The following LANCL2 variants were observed in gnomAD, a reference collection of about 807,000 sequenced individuals.
LANCL2 encodes the protein lanC-like protein 2.
LANCL2 carries 33 observed loss-of-function variants against 56.9 expected under a neutral mutation model. The observed-to-expected ratio is 0.58, with a 90% CI of 0.44 to 0.78. LANCL2 has a LOEUF of 0.78. Among genes scored for constraint, LANCL2 ranks in the 30% least tolerant of loss-of-function variants. The pLI, the probability that LANCL2 is intolerant of heterozygous loss-of-function variation, is 0.00. For synonymous variants in LANCL2, 233 were observed against 228.2 expected, an observed-to-expected ratio of 1.02 and a Z score of -0.19; for missense variants, 562 against 580.2, an observed-to-expected ratio of 0.97 and a Z score of 0.32.
chr7:55,390,895 A>G (rs2128992727), intron 1 of LANCL2, among the ~76,000 whole-genome samples: 1 of 151,188 alleles, frequency 6.6e-6, no homozygotes, highest in East Asian at 1.9e-4. Context: ...AAGAATACCT[A>G]TTTTGTTTGC....
At chr7:55,418,457 G>A (rs1407906889) in intron 6 of LANCL2, among the ~76,000 whole-genome samples, 1 of 152,178 alleles carries the variant, frequency 6.6e-6, no homozygotes, top group Admixed American at 6.5e-5. Flanking sequence ...TGGGATTACA[G>A]GCTTGAGCCA....
chr7:55,406,202 G>A (rs1583757905), intron 5 of LANCL2, among the ~76,000 whole-genome samples: 1 of 152,296 alleles, frequency 6.6e-6, no homozygotes, highest in East Asian at 1.9e-4. Context: ...TCCTTCTTGA[G>A]ATCCATGTTC....
rs140197007 is a variant in LANCL2 at position 55,388,987 on chromosome 7, G to T, written c.205-2806G>T. On this transcript the variant is annotated intron_variant, in intron 1 of 8. Coordinates refer to ENST00000254770, the MANE Select transcript of LANCL2 (RefSeq NM_018697.4). ...TTAGGGAAACCTGGAGGGGGCTGGG[G>T]GCTTTAGAACAGCCAACAGTTGAGC... Among the ~76,000 whole-genome samples the T allele has an allele frequency of 1.6e-3, 243 of 152,328 alleles. 1 individual carries two copies. The highest frequency in any genetic ancestry group is 5.6e-3 in the African/African-American group (234 of 41,578).
intron 6 of LANCL2, 141 bp downstream of exon 6, chr7:55,412,230 T>C: frequency 1.3e-6 from 1 of 747,186 alleles, no homozygotes; most frequent in Non-Finnish European, 2.1e-6. Context: ...ATAAAGTCTC[T>C]GTATTTTACC....
At chr7:55,388,237 AAAAG>A (rs1345352379) in intron 1 of LANCL2, among the ~76,000 whole-genome samples, 9 of 152,216 alleles carry the variant, frequency 5.9e-5, no homozygotes, top group African/African-American at 1.9e-4. Flanking sequence ...ATTGAACAGA[AAAAG>A]AAGAAAATAG....
intron 6 of LANCL2, among the ~76,000 whole-genome samples, chr7:55,423,624 G>A (rs1202338320): frequency 6.6e-6 from 1 of 152,242 alleles, no homozygotes; most frequent in Non-Finnish European, 1.5e-5. Flanking sequence ...CCAGGAAATA[G>A]CTAGCACTTC....
At chr7:55,367,236 G>A (rs1369074222) in intron 1 of LANCL2, among the ~76,000 whole-genome samples, 1 of 152,148 alleles carries the variant, frequency 6.6e-6, no homozygotes, top group African/African-American at 2.4e-5. Context: ...TTTCATGCTT[G>A]GTAAAACCGT....
At chr7:55,377,806 A>G (rs1254809738) in intron 1 of LANCL2, among the ~76,000 whole-genome samples, 1 of 152,242 alleles carries the variant, frequency 6.6e-6, no homozygotes, top group East Asian at 1.9e-4. Context: ...GAATCAAGAG[A>G]TAAAACCTCC....
chr7:55,421,195 G>A (rs1172466521), intron 6 of LANCL2, among the ~76,000 whole-genome samples: 2 of 150,554 alleles, frequency 1.3e-5, no homozygotes, highest in East Asian at 3.9e-4. Context: ...TGATGTGGTT[G>A]GATTCAGCTC....
At chr7:55,418,385 G>C (rs1790569122) in intron 6 of LANCL2, among the ~76,000 whole-genome samples, 1 of 151,236 alleles carries the variant, frequency 6.6e-6, no homozygotes, top group South Asian at 2.1e-4. Context: ...TCGCCATATT[G>C]ACCAGGCTGG....
intron 1 of LANCL2, among the ~76,000 whole-genome samples, chr7:55,381,097 C>T (rs180982880): frequency 3.6e-4 from 55 of 152,260 alleles, no homozygotes; most frequent in Admixed American, 1.4e-3. Context: ...TCCTGAACTC[C>T]TGACCTCAGG....
chr7:55,366,536 C>T (rs1189673378), intron 1 of LANCL2, among the ~76,000 whole-genome samples: 1 of 152,152 alleles, frequency 6.6e-6, no homozygotes, highest in African/African-American at 2.4e-5. Context: ...ACTCGTGAGG[C>T]CCGCGGACAC....
intron 1 of LANCL2, among the ~76,000 whole-genome samples, chr7:55,367,060 G>T (rs1377876405): frequency 6.6e-6 from 1 of 152,152 alleles, no homozygotes; most frequent in Non-Finnish European, 1.5e-5. Flanking sequence ...GCAGTTTAGA[G>T]CACTCTTCTG....
At chr7:55,376,986 A>G (rs1790010655) in intron 1 of LANCL2, among the ~76,000 whole-genome samples, 1 of 152,198 alleles carries the variant, frequency 6.6e-6, no homozygotes, top group Non-Finnish European at 1.5e-5. Context: ...AGTGCTGGGT[A>G]TTTTATCATA....
intron 2 of LANCL2, among the ~76,000 whole-genome samples, chr7:55,396,765 A>G (rs2128993264): frequency 6.6e-6 from 1 of 152,264 alleles, no homozygotes; most frequent in Non-Finnish European, 1.5e-5. Flanking sequence ...AGCATTAAGT[A>G]TATATAACTG....
intron 1 of LANCL2, 52 bp downstream of exon 1, chr7:55,366,281 T>C (rs1483942948): frequency 7.2e-7 from 1 of 1,389,586 alleles, no homozygotes; most frequent in Non-Finnish European, 9.5e-7. Context: ...GCGGCGGTGG[T>C]AGCGTCCACC....
At chr7:55,366,449 C>T (rs1247212604) in intron 1 of LANCL2, among the ~76,000 whole-genome samples, 2 of 152,246 alleles carry the variant, frequency 1.3e-5, no homozygotes, top group East Asian at 1.9e-4. Flanking sequence ...CCTCCTGGCC[C>T]CAACGCGCCT....
chr7:55,376,950 T>C (rs1029666779), intron 1 of LANCL2, among the ~76,000 whole-genome samples: 1 of 152,224 alleles, frequency 6.6e-6, no homozygotes, highest in Non-Finnish European at 1.5e-5. Flanking sequence ...ATTTCAAAGG[T>C]ATCTGAAAGT....
intron 2 of LANCL2, chr7:55,394,151 C>T (rs1790223363): frequency 2.0e-5 from 3 of 152,126 alleles, no homozygotes; most frequent in South Asian, 4.1e-4. Flanking sequence ...AAATCCCTAG[C>T]CATTGCTGTC....
Sources: gnomAD v4.1 joint callset for allele counts (sites outside exome capture counted in the v4.1 genomes callset) on GRCh38, gnomAD v4.1.1 for gene constraint, MANE v1.5 for transcripts, NCBI Gene and HGNC (gene_info 2026-07-23, HGNC 2026-07-21) for gene names.